Variants in PDE11A observed in about 807,000 individuals in gnomAD.
PDE11A encodes the protein dual 3',5'-cyclic-AMP and -GMP phosphodiesterase 11A.
PDE11A carries 100 observed loss-of-function variants against 100.5 expected under a neutral mutation model. The observed-to-expected ratio is 1.00, with a 90% confidence interval of 0.85 to 1.18. The LOEUF is 1.18. Among genes scored for constraint, PDE11A ranks in the 50% most tolerant of loss-of-function variants. The pLI, the probability that PDE11A is intolerant of heterozygous loss-of-function variation, is 0.00. For missense variants in PDE11A, 1,141 were observed against 1,152.6 expected (o/e 0.99, Z 0.15); for synonymous variants, 381 against 420.8 (o/e 0.91, Z 1.16).
chr2:177,727,827 C>T, intron 11 of PDE11A, 62 bp from the exon 12 acceptor site: 1 of 1,060,816 alleles, frequency 9.4e-7, no homozygotes, highest in East Asian at 2.4e-5. Flanking sequence ...ACCCTTATCT[C>T]AATGGTGCCT....
chr2:177,943,701 T>C (rs1025008759), intron 2 of PDE11A, among the ~76,000 whole-genome samples: 1 of 152,228 alleles, frequency 6.6e-6, no homozygotes, highest in Non-Finnish European at 1.5e-5. Flanking sequence ...CTATTCATTG[T>C]GTTCTTTGAC....
At chr2:177,981,251 TA>T (rs1418569521) in intron 2 of PDE11A, among the ~76,000 whole-genome samples, 1 of 150,580 alleles carries the variant, frequency 6.6e-6, no homozygotes, top group African/African-American at 2.4e-5. Context: ...ATATTTACTG[TA>T]TTAGTTTCCT....
At chr2:178,034,878 T>C (rs2086591713) in intron 1 of PDE11A, among the ~76,000 whole-genome samples, 1 of 152,154 alleles carries the variant, frequency 6.6e-6, no homozygotes, top group African/African-American at 2.4e-5. Flanking sequence ...TAAAGCAGTG[T>C]TGAGAGGGAA....
rs1209947439 is a variant in PDE11A at position 177,631,597 on chromosome 2, A to G, written c.2647-2035T>C. Among the ~76,000 whole-genome samples, 41 of 42,884 alleles carry G rather than the reference A, an allele frequency of 9.6e-4. 1 individual carries two copies. The East Asian group carries it at 0.017, about 18-fold the overall frequency. 28.1% of individuals were successfully genotyped at this position (42,884 alleles called of 152,430 possible). On this transcript the variant is annotated intron_variant, in intron 19 of 19. Coordinates refer to ENST00000286063, the MANE Select transcript of PDE11A (RefSeq NM_016953.4). ...TGTATATATATATACACACACATAT[A>G]TATGTGTGTATATATATACATATAT...
intron 2 of PDE11A, among the ~76,000 whole-genome samples, chr2:177,913,204 C>T (rs1239333106): frequency 6.6e-6 from 1 of 152,130 alleles, no homozygotes; most frequent in African/African-American, 2.4e-5. Context: ...GAACGTTGGA[C>T]ATTTAGGTTG....
intron 1 of PDE11A, among the ~76,000 whole-genome samples, chr2:178,024,411 T>C (rs1165823172): frequency 2.0e-5 from 3 of 152,066 alleles, no homozygotes; most frequent in African/African-American, 4.8e-5. Flanking sequence ...GATTCCATCT[T>C]AAAAAATAAA....
intron 13 of PDE11A, among the ~76,000 whole-genome samples, chr2:177,703,600 C>A (rs1444432230): frequency 6.6e-6 from 1 of 152,192 alleles, no homozygotes; most frequent in African/African-American, 2.4e-5. Flanking sequence ...GCCATGCTCA[C>A]ATGCACCTCA....
At chr2:177,763,129 C>G (rs566197734) in intron 10 of PDE11A, among the ~76,000 whole-genome samples, 1 of 152,286 alleles carries the variant, frequency 6.6e-6, no homozygotes, top group South Asian at 2.1e-4. Flanking sequence ...GCAAGCCGCC[C>G]GGCTCGGCTG....
intron 9 of PDE11A, among the ~76,000 whole-genome samples, chr2:177,811,494 TAAAC>T (rs997988048): frequency 6.0e-5 from 6 of 100,752 alleles, no homozygotes; most frequent in African/African-American, 2.6e-4. Flanking sequence ...ATTCAATTGT[TAAAC>T]AAAATCCAGA....
chr2:177,825,864 G>A (rs1347337872), intron 6 of PDE11A, among the ~76,000 whole-genome samples: 1 of 152,074 alleles, frequency 6.6e-6, no homozygotes, highest in Non-Finnish European at 1.5e-5. Context: ...TCATATTTTG[G>A]CCTCACAGCT....
At chr2:178,018,341 C>T in intron 1 of PDE11A, 1 of 176,028 alleles carries the variant, frequency 5.7e-6, no homozygotes, top group Admixed American at 7.5e-5. Flanking sequence ...TATGCAGACG[C>T]ATCACGGAAA....
At chr2:178,105,507 T>A (rs979498463) in intron 1 of PDE11A, 18 of 241,994 alleles carry the variant, frequency 7.4e-5, no homozygotes, top group Admixed American at 5.6e-4. Context: ...GGTAGACATA[T>A]AAAATAAATT....
rs572306021 is a variant in PDE11A at position 177,791,394 on chromosome 2, G to T, written c.1738-22021C>A. ...ACACTCTGGGGACTGTTGTCGGGTG[G>T]GGGGAGGGGGGAGGGATAGCATTAG... On this transcript the variant is annotated intron_variant, in intron 9 of 19. Coordinates refer to ENST00000286063, the MANE Select transcript of PDE11A (RefSeq NM_016953.4). 5.4e-4 allele frequency among the ~76,000 whole-genome samples: 64 copies of T among 117,716 alleles called. 2 individuals carry two copies. The highest frequency in any genetic ancestry group is 1.9e-3 in the African/African-American group (59 of 30,700). The allele number at this position is 117,716 out of a possible 152,430, so 77.2% of individuals were successfully genotyped here.
intron 2 of PDE11A, among the ~76,000 whole-genome samples, chr2:177,939,452 AGGAG>A (rs1177993327): frequency 1.6e-4 from 22 of 135,226 alleles, no homozygotes; most frequent in Non-Finnish European, 2.9e-4. Flanking sequence ...GAAGAAAGGA[AGGAG>A]GGAGGGAGAG....
At chr2:177,944,676 G>A (rs944911873) in intron 2 of PDE11A, among the ~76,000 whole-genome samples, 4 of 152,102 alleles carry the variant, frequency 2.6e-5, no homozygotes, top group Non-Finnish European at 5.9e-5. Context: ...CCTCAGCTAC[G>A]ACTACCAGGT....
chr2:177,758,693 G>A (rs1405517289), intron 10 of PDE11A, among the ~76,000 whole-genome samples: 1 of 152,172 alleles, frequency 6.6e-6, no homozygotes, highest in Non-Finnish European at 1.5e-5. Context: ...ACCTCCAGAT[G>A]CCTACTGCAC....
At chr2:178,061,593 A>G (rs2105865810) in intron 1 of PDE11A, among the ~76,000 whole-genome samples, 1 of 152,316 alleles carries the variant, frequency 6.6e-6, no homozygotes, top group South Asian at 2.1e-4. Flanking sequence ...TGAGGGTGAG[A>G]TAAATAGGGA....
intron 3 of PDE11A, among the ~76,000 whole-genome samples, chr2:177,901,353 C>T (rs2084695769): frequency 6.6e-6 from 1 of 152,172 alleles, no homozygotes; most frequent in African/African-American, 2.4e-5. Context: ...GGCCTTCCCC[C>T]ACCCACCAAA....
chr2:177,806,527 A>T (rs13033904), intron 9 of PDE11A, among the ~76,000 whole-genome samples: 15,581 of 151,730 alleles, frequency 0.1, 1,131 homozygotes, highest in Non-Finnish European at 0.15. Flanking sequence ...GAAATAGAAC[A>T]AAACAAAAGA....
Sources: allele counts gnomAD v4.1 joint callset (sites outside exome capture counted in the v4.1 genomes callset), GRCh38; gene constraint gnomAD v4.1.1; transcripts MANE v1.5; gene names NCBI Gene and HGNC (gene_info 2026-07-23, HGNC 2026-07-21).